CCDC178: variants seen among roughly 807,000 people sequenced by gnomAD.
CCDC178 encodes coiled-coil domain containing 178, also known as coiled-coil domain-containing protein 178.
A neutral mutation model predicts 117.4 loss-of-function variants in CCDC178; 126 were observed. The ratio of observed to expected loss-of-function variants is 1.07; its 90% confidence interval spans 0.93 to 1.24. The LOEUF (loss-of-function observed/expected upper bound fraction) is 1.24, where lower values mean the gene tolerates loss of function less well. Ranked by LOEUF, CCDC178 falls within the 50% of genes most tolerant of loss-of-function variation. The pLI is 0.00. For missense variants in CCDC178, 1,030 were observed against 986.9 expected (o/e 1.04, Z -0.59); for synonymous variants, 283 against 313.4 (o/e 0.90, Z 1.02).
chr18:33,380,581 T>C (rs1368832155), intron 5 of CCDC178, among the ~76,000 whole-genome samples: 1 of 152,112 alleles, frequency 6.6e-6, no homozygotes, highest in African/African-American at 2.4e-5. Flanking sequence ...AGATCCCTAG[T>C]GGAAAGGTAA....
intron 19 of CCDC178, among the ~76,000 whole-genome samples, chr18:33,213,008 T>C (rs560897667): frequency 5.3e-5 from 8 of 151,986 alleles, no homozygotes; most frequent in Non-Finnish European, 1.2e-4. Flanking sequence ...CAGTTAGCTA[T>C]AAAGGCAGCA....
At chr18:33,111,453 A>G (rs2057781911) in intron 20 of CCDC178, among the ~76,000 whole-genome samples, 1 of 151,646 alleles carries the variant, frequency 6.6e-6, no homozygotes, top group Admixed American at 6.6e-5. Context: ...ATCAATTGAG[A>G]TTATTATTTG....
chr18:33,181,507 TACA>T (rs2058732123), intron 20 of CCDC178, among the ~76,000 whole-genome samples: 2 of 151,986 alleles, frequency 1.3e-5, no homozygotes, highest in South Asian at 4.1e-4. Flanking sequence ...CTTTATTTAC[TACA>T]ACATGAAATG....
intron 22 of CCDC178, among the ~76,000 whole-genome samples, chr18:32,942,031 C>T (rs1235230662): frequency 1.3e-5 from 2 of 152,116 alleles, no homozygotes; most frequent in African/African-American, 2.4e-5. Flanking sequence ...GTTTCTGTTG[C>T]CATCCCACCC....
chr18:33,105,092 G>T (rs1361377308), intron 20 of CCDC178, among the ~76,000 whole-genome samples: 1 of 151,642 alleles, frequency 6.6e-6, no homozygotes, highest in East Asian at 1.9e-4. Flanking sequence ...GGACTCAAAA[G>T]CAATAGAACT....
chr18:33,132,979 A>T (rs1343400801), intron 20 of CCDC178, among the ~76,000 whole-genome samples: 73 of 151,820 alleles, frequency 4.8e-4, no homozygotes. Context: ...TGTATACAAG[A>T]TTCTATTTTA....
chr18:33,013,617 T>C (rs2055919147), intron 21 of CCDC178, among the ~76,000 whole-genome samples: 1 of 152,176 alleles, frequency 6.6e-6, no homozygotes, highest in Non-Finnish European at 1.5e-5. Flanking sequence ...TATAAATTTT[T>C]TCTTGTAACT....
At chr18:33,228,206 A>AAATT (rs1334180494) in intron 15 of CCDC178, among the ~76,000 whole-genome samples, 1 of 152,214 alleles carries the variant, frequency 6.6e-6, no homozygotes, top group Admixed American at 6.5e-5. Flanking sequence ...TACATTAATA[A>AAATT]AATTAGTGAA....
At chr18:33,347,992 C>T (rs1448619925) in intron 8 of CCDC178, among the ~76,000 whole-genome samples, 2 of 151,822 alleles carry the variant, frequency 1.3e-5, no homozygotes, top group Non-Finnish European at 2.9e-5. Flanking sequence ...TGTTTTAGAC[C>T]TCAAATGTAC....
At chr18:33,051,040 G>A (rs1362041875) in intron 21 of CCDC178, among the ~76,000 whole-genome samples, 1 of 152,062 alleles carries the variant, frequency 6.6e-6, no homozygotes, top group East Asian at 1.9e-4. Context: ...AACCTCTCTA[G>A]TAGCTGGGAT....
intron 20 of CCDC178, among the ~76,000 whole-genome samples, chr18:33,210,214 T>C (rs963774993): frequency 2.6e-5 from 4 of 151,914 alleles, no homozygotes; most frequent in African/African-American, 9.7e-5. Flanking sequence ...TCCCTCCCCT[T>C]AGAGAAGAAA....
At chr18:33,416,390 G>A (rs1336198163) in intron 2 of CCDC178, among the ~76,000 whole-genome samples, 10 of 150,850 alleles carry the variant, frequency 6.6e-5, no homozygotes, top group Admixed American at 2.0e-4. Flanking sequence ...TCGCGCCACT[G>A]CACTCCAGCC....
intron 20 of CCDC178, among the ~76,000 whole-genome samples, chr18:33,096,029 G>T (rs1031660976): frequency 2.0e-5 from 3 of 151,690 alleles, no homozygotes; most frequent in East Asian, 2.0e-4. Flanking sequence ...CTAAGGAAAG[G>T]CTTGGCTTCC....
At chr18:33,197,297 G>A (rs1379969162) in intron 20 of CCDC178, among the ~76,000 whole-genome samples, 1 of 152,132 alleles carries the variant, frequency 6.6e-6, no homozygotes, top group African/African-American at 2.4e-5. Flanking sequence ...TCCAGGTGAT[G>A]AGATTGCAGG....
At chr18:33,012,976 A>C (rs1223449034) in intron 21 of CCDC178, among the ~76,000 whole-genome samples, 1 of 152,186 alleles carries the variant, frequency 6.6e-6, no homozygotes, top group Non-Finnish European at 1.5e-5. Flanking sequence ...CCTATGCTCT[A>C]AACAGTAGTT....
At chr18:33,378,060 A>G (rs546339327) in intron 5 of CCDC178, among the ~76,000 whole-genome samples, 1 of 152,206 alleles carries the variant, frequency 6.6e-6, no homozygotes, top group Non-Finnish European at 1.5e-5. Flanking sequence ...ATCGGCATTG[A>G]TTCTTTCAAT....
chr18:33,265,819 G>T (rs1370485686), intron 14 of CCDC178, among the ~76,000 whole-genome samples: 1 of 152,022 alleles, frequency 6.6e-6, no homozygotes, highest in African/African-American at 2.4e-5. Context: ...GAGAGTGATT[G>T]CAGGTAGACC....
intron 21 of CCDC178, among the ~76,000 whole-genome samples, chr18:33,056,979 T>A (rs1413316661): frequency 2.0e-5 from 3 of 151,828 alleles, no homozygotes; most frequent in African/African-American, 7.3e-5. Context: ...CCACTATTTT[T>A]CCAATATTCT....
At chr18:33,206,217 T>A (rs372025500) in intron 20 of CCDC178, among the ~76,000 whole-genome samples, 1 of 152,102 alleles carries the variant, frequency 6.6e-6, no homozygotes, top group African/African-American at 2.4e-5. Flanking sequence ...ATGCGATCAC[T>A]ATATATTTAA....
Sources: gnomAD v4.1 joint callset for allele counts (sites outside exome capture counted in the v4.1 genomes callset) on GRCh38, gnomAD v4.1.1 for gene constraint, MANE v1.5 for transcripts, NCBI Gene and HGNC (gene_info 2026-07-23, HGNC 2026-07-21) for gene names.